FAM120A: variants seen among roughly 807,000 people sequenced by gnomAD.
The protein encoded by FAM120A is constitutive coactivator of PPAR-gamma-like protein 1.
A neutral mutation model predicts 109.7 loss-of-function variants in FAM120A; 15 were observed. That is an observed-to-expected ratio of 0.14 (90% CI 0.09 to 0.21). The LOEUF is 0.21. Ranked by LOEUF, FAM120A falls within the 10% of genes least tolerant of loss-of-function variation. The pLI, the probability that FAM120A is intolerant of heterozygous loss-of-function variation, is 1.00. For synonymous variants in FAM120A, 493 were observed against 572.8 expected (o/e 0.86, Z 1.99); for missense variants, 899 against 1,439.3 (o/e 0.62, Z 6.07).
chr9:93,529,730 A>G, intron 9 of FAM120A, 150 bp downstream of exon 9: 4 of 717,224 alleles, frequency 5.6e-6, no homozygotes, highest in South Asian at 1.6e-5. Flanking sequence ...TAAACATTGA[A>G]TGAAAGATGA....
At chr9:93,494,124 G>C (rs978314941) in intron 3 of FAM120A, among the ~76,000 whole-genome samples, 1 of 152,190 alleles carries the variant, frequency 6.6e-6, no homozygotes, top group Non-Finnish European at 1.5e-5. Flanking sequence ...AGTTCAGGCA[G>C]AGCAGGAAGC....
Position 93,452,545 on chromosome 9 carries a change from GAT to G in FAM120A, c.474+157_474+158del. 6.3e-7 allele frequency: 1 copy of G among 1,577,404 alleles called. No homozygotes were observed. Among genetic ancestry groups the G allele is most frequent in the Non-Finnish European group, 8.6e-7 (1 of 1,168,116 alleles). ...ATAGCCTGGCCGGGCCGGGCTGCAA[GAT>G]GGATGGCCGCGGGTGCAGGCCGCGC... On this transcript the variant is annotated intron_variant, in intron 1 of 17. Coordinates refer to ENST00000277165, the MANE Select transcript of FAM120A (RefSeq NM_014612.5). This position sits in a 1 kb window ranked among gnomAD's most constrained non-coding sequence, Gnocchi z 7.0.
chr9:93,536,561 A>C (rs887082490), intron 10 of FAM120A, among the ~76,000 whole-genome samples: 1 of 152,248 alleles, frequency 6.6e-6, no homozygotes. Context: ...GTTTCTTAAA[A>C]ATATTTAACT....
At chr9:93,517,149 T>C (rs1403058946) in intron 7 of FAM120A, among the ~76,000 whole-genome samples, 1 of 152,220 alleles carries the variant, frequency 6.6e-6, no homozygotes, top group East Asian at 1.9e-4. Context: ...GGAATAAATG[T>C]CTGTTGACCC....
chr9:93,453,120 GT>G, intron 1 of FAM120A: 9 of 1,012,652 alleles, frequency 8.9e-6, no homozygotes, highest in Non-Finnish European at 1.1e-5. Context: ...AGGCAGTTCG[GT>G]TTTGTAGATC....
chr9:93,563,390 C>T (rs1050429921), intron 17 of FAM120A, among the ~76,000 whole-genome samples: 2 of 152,216 alleles, frequency 1.3e-5, no homozygotes, highest in Admixed American at 1.3e-4. Flanking sequence ...GTGATTGGCC[C>T]CCAAGGGACA....
chr9:93,537,602 C>T (rs1861561942), intron 10 of FAM120A, among the ~76,000 whole-genome samples: 1 of 151,830 alleles, frequency 6.6e-6, no homozygotes, highest in Admixed American at 6.6e-5. Context: ...TAGGTGAGTA[C>T]TATTTTTATG....
chr9:93,465,860 T>C (rs1284622907), intron 1 of FAM120A, among the ~76,000 whole-genome samples: 1 of 152,228 alleles, frequency 6.6e-6, no homozygotes, highest in African/African-American at 2.4e-5. Context: ...GCTTTTCTGT[T>C]TGTCTTTGGT....
intron 7 of FAM120A, among the ~76,000 whole-genome samples, chr9:93,522,955 T>C (rs1405477298): frequency 6.6e-6 from 1 of 152,224 alleles, no homozygotes; most frequent in Admixed American, 6.5e-5. Context: ...ACCGGTTTGC[T>C]CAGAGTCTCT....
chr9:93,486,645 T>G (rs1859071083), intron 3 of FAM120A, among the ~76,000 whole-genome samples: 1 of 151,966 alleles, frequency 6.6e-6, no homozygotes, highest in Admixed American at 6.5e-5. Context: ...GTGATTCGCT[T>G]GTGTTAACCT....
chr9:93,472,116 C>T (rs1025865422), intron 2 of FAM120A, among the ~76,000 whole-genome samples: 5 of 152,106 alleles, frequency 3.3e-5, no homozygotes, highest in Admixed American at 2.0e-4. Flanking sequence ...AAAAATTAGC[C>T]GGGCATGGTG....
rs770813761 is a variant in FAM120A, at chr9:93,558,021, T to C, written c.2668+11T>C. The C allele has an allele frequency of 6.3e-7, 1 of 1,579,968 alleles. No homozygotes were observed. The highest frequency in any genetic ancestry group is 1.1e-5 in the South Asian group (1 of 88,344). On this transcript the variant is annotated intron_variant, in intron 14 of 17. Coordinates refer to ENST00000277165, the MANE Select transcript of FAM120A (RefSeq NM_014612.5). ...GCAGAGGCTTTGCAGGTGAGTTGAT[T>C]GGGACGTATTCCTGTGGGTAACAGA...
chr9:93,547,367 A>G (rs532387368), intron 11 of FAM120A, among the ~76,000 whole-genome samples: 47 of 152,296 alleles, frequency 3.1e-4, no homozygotes, highest in African/African-American at 9.9e-4. Flanking sequence ...TGTGCTCTAG[A>G]GGTGCAACCC....
intron 1 of FAM120A, among the ~76,000 whole-genome samples, chr9:93,462,071 A>G (rs1172783716): frequency 6.6e-6 from 1 of 152,230 alleles, no homozygotes; most frequent in African/African-American, 2.4e-5. Flanking sequence ...ACTATTACAT[A>G]CATCCTAATT....
At chr9:93,548,529 G>C (rs1454550548) in intron 11 of FAM120A, among the ~76,000 whole-genome samples, 1 of 152,126 alleles carries the variant, frequency 6.6e-6, no homozygotes, top group African/African-American at 2.4e-5. Flanking sequence ...CAGTGTGAAT[G>C]TGCTTAATGC....
chr9:93,534,927 A>C (rs999753685), intron 10 of FAM120A, among the ~76,000 whole-genome samples: 3 of 152,214 alleles, frequency 2.0e-5, no homozygotes, highest in African/African-American at 7.2e-5. Context: ...ACAGAGGCCC[A>C]GCCAGCTGCA....
chr9:93,487,188 G>T (rs191795747), intron 3 of FAM120A, among the ~76,000 whole-genome samples: 177 of 152,144 alleles, frequency 1.2e-3, no homozygotes, highest in African/African-American at 4.0e-3. Context: ...TTGAGACAGA[G>T]CCTCGCTCTG....
At chr9:93,531,791 C>T (rs1299273807) in intron 9 of FAM120A, among the ~76,000 whole-genome samples, 2 of 152,146 alleles carry the variant, frequency 1.3e-5, no homozygotes, top group African/African-American at 4.8e-5. Context: ...TGCATGTGAC[C>T]ATCCCAACTC....
In FAM120A at chr9:93,496,513, G is replaced by A. The variant is rs548242149; in HGVS notation, c.805-958G>A. Among the ~76,000 whole-genome samples, 34 of 152,322 alleles carry A rather than the reference G, an allele frequency of 2.2e-4. No individual in the cohort carries two copies. In the East Asian group the frequency reaches 6.6e-3, roughly 29 times the overall value. On this transcript the variant is annotated intron_variant, in intron 3 of 17. Transcript: ENST00000277165. Reference sequence around the variant, plus strand: ...CTTGTATGTTAACATGCAAGGGCTGGTCCCTCTGCAGGCTCTCGGGAGGAT... The same window carrying A: ...CTTGTATGTTAACATGCAAGGGCTGATCCCTCTGCAGGCTCTCGGGAGGAT...
Sources: allele counts gnomAD v4.1 joint callset (sites outside exome capture counted in the v4.1 genomes callset), GRCh38; gene constraint gnomAD v4.1.1; non-coding constraint Gnocchi (gnomAD v3.1); transcripts MANE v1.5; gene names NCBI Gene and HGNC (gene_info 2026-07-23, HGNC 2026-07-21).